The following NAXD variants were observed in gnomAD, a reference collection of about 807,000 sequenced individuals.
NAXD encodes NAD(P)HX dehydratase, also known as ATP-dependent (S)-NAD(P)H-hydrate dehydratase.
Under a neutral mutation model 35.8 loss-of-function variants are expected in NAXD, and 22 were observed. That is an observed-to-expected ratio of 0.62 (90% CI 0.44 to 0.88). The LOEUF (loss-of-function observed/expected upper bound fraction) is 0.88. Among genes scored for constraint, NAXD ranks in the 40% least tolerant of loss-of-function variants. The probability of loss-of-function intolerance (pLI) is 0.00; values close to 1 mark genes in which losing one functional copy is unlikely to be tolerated. For missense variants in NAXD, 428 were observed against 437.7 expected (o/e 0.98, Z 0.20); for synonymous variants, 189 against 177.6 (o/e 1.06, Z -0.51).
At chr13:110,635,935 A>G (rs983754726) in intron 8 of NAXD, among the ~76,000 whole-genome samples, 50 of 152,210 alleles carry the variant, frequency 3.3e-4, no homozygotes, top group Admixed American at 1.9e-3. Flanking sequence ...CCTTCATCTC[A>G]CCTGTGGCAT....
intron 5 of NAXD, among the ~76,000 whole-genome samples, chr13:110,634,063 T>C (rs554464814): frequency 6.6e-6 from 1 of 152,372 alleles, no homozygotes; most frequent in East Asian, 1.9e-4. Flanking sequence ...GAGTTCCCAG[T>C]GTCCTGCCTT....
Position 110,634,569 on chromosome 13 carries a change from A to AG in NAXD, c.469dup (p.Asp157GlyfsTer41). The stretch of plus-strand genomic sequence containing the variant: ...GGGCATTTTGGAAGTGTCAAAGGCC[A>AG]GGGACATCCCTGTTGTCATCGACGC... On this transcript the variant is annotated frameshift_variant, in exon 6 of 10. Transcript: ENST00000680254. LOFTEE classifies it high-confidence loss of function. 6.2e-7 allele frequency: 1 copy of AG among 1,614,216 alleles called. No homozygotes were observed.
chr13:110,635,033 CTG>C (rs3832898), intron 7 of NAXD, among the ~76,000 whole-genome samples: 30,699 of 151,772 alleles, frequency 0.2, 3,516 homozygotes, highest in African/African-American at 0.32. Context: ...GTCACTTTGT[CTG>C]TGTCCTGAGT....
chr13:110,624,967 GCTCTGACCCTGC>G (rs563106540), intron 3 of NAXD, among the ~76,000 whole-genome samples: 1 of 152,340 alleles, frequency 6.6e-6, no homozygotes, highest in Non-Finnish European at 1.5e-5. Flanking sequence ...GGTGTGTGTG[GCTCTGACCCTGC>G]CTCTGCAGTG....
intron 1 of NAXD, among the ~76,000 whole-genome samples, chr13:110,617,669 T>C (rs1886109882): frequency 6.6e-6 from 1 of 152,250 alleles, no homozygotes; most frequent in Non-Finnish European, 1.5e-5. Flanking sequence ...TATTTTGCCT[T>C]AAAATGGCAG....
At chr13:110,634,079 C>T (rs925853876) in intron 5 of NAXD, among the ~76,000 whole-genome samples, 2 of 152,198 alleles carry the variant, frequency 1.3e-5, no homozygotes, top group African/African-American at 4.8e-5. Context: ...GCCTTGTTTA[C>T]GGGCTCTGCG....
In NAXD at chr13:110,638,656, T is replaced by C; in HGVS notation, c.*128T>C. Reference sequence around the variant, plus strand: ...CCAGATTTTCAACTTGAGCATAAATTGGTTGCCATTGAGAATTTAAGAATC... The same window carrying C: ...CCAGATTTTCAACTTGAGCATAAATCGGTTGCCATTGAGAATTTAAGAATC... On this transcript the variant is annotated 3_prime_UTR_variant, in exon 10 of 10. Transcript: ENST00000680254. The surrounding 1 kb of genome is among the most constrained non-coding windows in gnomAD (Gnocchi z 5.4). 1 of 1,074,404 alleles carries C rather than the reference T, an allele frequency of 9.3e-7. No individual in the cohort carries two copies. The highest frequency in any genetic ancestry group is 1.3e-5 in the South Asian group (1 of 77,004). The allele number at this position is 1,074,404 out of a possible 1,614,324, so 66.6% of individuals were successfully genotyped here.
chr13:110,625,020 G>C (rs973418435), intron 3 of NAXD, among the ~76,000 whole-genome samples, 170 bp from the exon 4 acceptor site: 6 of 152,228 alleles, frequency 3.9e-5, no homozygotes, highest in Non-Finnish European at 7.3e-5. Context: ...TAGGTATTGT[G>C]CTCTGCGCCC....
Position 110,639,780 on chromosome 13 carries a change from G to A in NAXD, c.*1252G>A, listed in dbSNP as rs1162511771. The A allele has an allele frequency of 2.0e-5, 3 of 152,098 alleles. No homozygotes were observed. The highest frequency in any genetic ancestry group is 6.6e-5 in the Admixed American group (1 of 15,262). The allele number at this position is 152,098 out of a possible 1,614,324, so 9.4% of individuals were successfully genotyped here. A position where few individuals can be genotyped will look rare whatever the true frequency, so the allele number is the denominator to read the frequency against. Reference sequence around the variant, plus strand: ...TGATGACTCTTGAGTGATACCCTGTGATGCAGACATGCCCCAGATGGATTC... The same window carrying A: ...TGATGACTCTTGAGTGATACCCTGTAATGCAGACATGCCCCAGATGGATTC... On this transcript the variant is annotated 3_prime_UTR_variant, in exon 10 of 10. Transcript: ENST00000680254.
rs907806462 is a variant in NAXD at position 110,638,081 on chromosome 13, C to T, written c.840-297C>T. Among the ~76,000 whole-genome samples the T allele has an allele frequency of 6.6e-6, 1 of 152,194 alleles. No individual in the cohort carries two copies. The highest frequency in any genetic ancestry group is 1.5e-5 in the Non-Finnish European group (1 of 68,038). On this transcript the variant is annotated intron_variant, in intron 9 of 9. Coordinates refer to ENST00000680254, the MANE Select transcript of NAXD (RefSeq NM_001242882.2). This position sits in a 1 kb window ranked among gnomAD's most constrained non-coding sequence, Gnocchi z 5.4. Reference sequence around the variant, plus strand: ...GAGAGCACAGTCAAACAGGGCTAAGCAGCTTGTGCCGCCTGGCTTTCCCCG... The same window carrying T: ...GAGAGCACAGTCAAACAGGGCTAAGTAGCTTGTGCCGCCTGGCTTTCCCCG...
Position 110,639,050 on chromosome 13 carries a change from T to A in NAXD, c.*522T>A, listed in dbSNP as rs1177802607. ...TTCTCCAGCTCATCTTCTTTTAAAG[T>A]GGTGACTAGCTTGGTGGTATCTGGC... On this transcript the variant is annotated 3_prime_UTR_variant, in exon 10 of 10. Coordinates refer to ENST00000680254, the MANE Select transcript of NAXD (RefSeq NM_001242882.2). The A allele has an allele frequency of 3.6e-6, 1 of 274,338 alleles. No individual in the cohort carries two copies. The highest frequency in any genetic ancestry group is 7.2e-6 in the Non-Finnish European group (1 of 138,422). The allele number at this position is 274,338 out of a possible 1,614,324, so 17.0% of individuals were successfully genotyped here.
chr13:110,621,264 C>G (rs1886252340), intron 1 of NAXD, among the ~76,000 whole-genome samples: 1 of 152,168 alleles, frequency 6.6e-6, no homozygotes, highest in Non-Finnish European at 1.5e-5. Flanking sequence ...GAGAAAAGAC[C>G]TAATAATCCT....
chr13:110,635,371 C>G, intron 7 of NAXD, 97 bp from the exon 8 acceptor site: 1 of 1,428,112 alleles, frequency 7.0e-7, no homozygotes, highest in Non-Finnish European at 9.6e-7. Flanking sequence ...CCTTTAGACA[C>G]GAGAGCATGA....
chr13:110,621,733 A>C (rs1450045048), intron 1 of NAXD, among the ~76,000 whole-genome samples: 2 of 147,468 alleles, frequency 1.4e-5, no homozygotes, highest in Non-Finnish European at 3.0e-5. Flanking sequence ...TATATGTGTT[A>C]ATTACATGTG....
At chr13:110,622,489 A>G (rs1886307341) in intron 2 of NAXD, 123 bp downstream of exon 2, 1 of 939,402 alleles carries the variant, frequency 1.1e-6, no homozygotes, top group East Asian at 2.5e-5. Context: ...GCCTGATAGG[A>G]CACTCAGTAT....
chr13:110,631,558 G>GA (rs1434522529), intron 5 of NAXD, among the ~76,000 whole-genome samples: 2 of 152,054 alleles, frequency 1.3e-5, no homozygotes, highest in East Asian at 3.8e-4. Flanking sequence ...CATTTTCCAG[G>GA]GTTTGAATAT....
At chr13:110,619,746 T>A (rs907920128) in intron 1 of NAXD, among the ~76,000 whole-genome samples, 5 of 152,096 alleles carry the variant, frequency 3.3e-5, no homozygotes, top group African/African-American at 9.7e-5. Flanking sequence ...TCAGCATCCT[T>A]CAGTGCATAG....
Position 110,635,536 on chromosome 13 carries a change from C to A in NAXD, c.666C>A (p.Asn222Lys), listed in dbSNP as rs759562313. ...SVLRLSQALG[N>K]VTVVQKGERD... Reference sequence around the variant, plus strand: ...TAAGACTCAGCCAAGCCCTGGGCAACGTGACGGTGGTCCAGAAAGGAGAGC... The same window carrying A: ...TAAGACTCAGCCAAGCCCTGGGCAAAGTGACGGTGGTCCAGAAAGGAGAGC... Residue 222 changes from asparagine (N) to lysine (K), a missense_variant, in exon 8 of 10, where the codon AAC becomes AAA. Physicochemically the swap from Asn to Lys is moderately conservative, Grantham distance 94. Transcript: ENST00000680254. 1 of 1,614,038 alleles carries A rather than the reference C, an allele frequency of 6.2e-7. No homozygotes were observed. The highest frequency in any genetic ancestry group is 1.7e-5 in the Admixed American group (1 of 60,002).
rs1357974449 is a variant in NAXD at position 110,628,407 on chromosome 13, A to G, written c.441+860A>G. Reference sequence around the variant, plus strand: ...ATCAGAGGCCGGGCATTAGTGAGGGACTACGCTTGAAGCCCTTAGAAGGTG... The same window carrying G: ...ATCAGAGGCCGGGCATTAGTGAGGGGCTACGCTTGAAGCCCTTAGAAGGTG... On this transcript the variant is annotated intron_variant, in intron 5 of 9. Transcript: ENST00000680254. This position sits in a 1 kb window ranked among gnomAD's most constrained non-coding sequence, Gnocchi z 4.1. 6.6e-6 allele frequency among the ~76,000 whole-genome samples: 1 copy of G among 152,154 alleles called. No homozygotes were observed. Among genetic ancestry groups the G allele is most frequent in the Non-Finnish European group, 1.5e-5 (1 of 68,036 alleles).
Sources: gnomAD v4.1 joint callset for allele counts (sites outside exome capture counted in the v4.1 genomes callset) on GRCh38, gnomAD v4.1.1 for gene constraint, Gnocchi (gnomAD v3.1) non-coding constraint, MANE v1.5 for transcripts, NCBI Gene and HGNC (gene_info 2026-07-23, HGNC 2026-07-21) for gene names.